ABCA8: variants seen among roughly 807,000 people sequenced by gnomAD.
ABCA8 encodes the protein ABC-type organic anion transporter ABCA8.
ABCA8 carries 177 observed loss-of-function variants against 192.3 expected under a neutral mutation model. The ratio of observed to expected loss-of-function variants is 0.92; its 90% confidence interval spans 0.81 to 1.04. The LOEUF (loss-of-function observed/expected upper bound fraction) is 1.04, where lower values mean the gene tolerates loss of function less well. ABCA8 is among the 50% of genes least tolerant of loss of function. The pLI, the probability that ABCA8 is intolerant of heterozygous loss-of-function variation, is 0.00. For missense variants in ABCA8, 1,915 were observed against 1,904.8 expected (o/e 1.01, Z -0.10); for synonymous variants, 642 against 690.2 (o/e 0.93, Z 1.09).
At chr17:68,912,859 A>G (rs940425923) in intron 17 of ABCA8, among the ~76,000 whole-genome samples, 3 of 152,182 alleles carry the variant, frequency 2.0e-5, no homozygotes, top group African/African-American at 4.8e-5. Flanking sequence ...CAGACAGAAA[A>G]TCAAAAACAT....
At position 68,867,634 on chromosome 17, in the gene ABCA8, A is replaced by G. The variant is rs1409500619; in HGVS notation, c.*451T>C. The stretch of plus-strand genomic sequence containing the variant: ...AGCAATAAGAAGCACACTTAAATCT[A>G]TTTCAAAAATATGACATGTTAAATT... On this transcript the variant is annotated 3_prime_UTR_variant, in exon 40 of 40. Transcript: ENST00000586539. The G allele has an allele frequency of 6.6e-6, 1 of 152,462 alleles. No homozygotes were observed. The highest frequency in any genetic ancestry group is 1.5e-5 in the Non-Finnish European group (1 of 68,260). The allele number at this position is 152,462 out of a possible 1,614,324, so 9.4% of individuals were successfully genotyped here.
In ABCA8 at chr17:68,891,479, T is replaced by C; in HGVS notation, c.3144+10A>G. The C allele has an allele frequency of 6.4e-7, 1 of 1,573,490 alleles. No homozygotes were observed. Among genetic ancestry groups the C allele is most frequent in the East Asian group, 2.2e-5 (1 of 44,542 alleles). On this transcript the variant is annotated intron_variant, in intron 24 of 39. Coordinates refer to ENST00000586539, the MANE Select transcript of ABCA8 (RefSeq NM_001288985.2). ...GCAAAATAATGGAAGTTGCAATTAC[T>C]CATTATTACCTTATAATCATCGATG...
chr17:68,868,354 T>G lies in ABCA8; in HGVS notation c.4714A>C (p.Lys1572Gln). ...AQAFFKLEKV[K>Q]QSFDLEEYSL... Reference sequence around the variant, plus strand: ...TACTCCTCTAGGTCAAAGCTCTGTTTAACTGCATAGGGATGAACATGTATT... The same window carrying G: ...TACTCCTCTAGGTCAAAGCTCTGTTGAACTGCATAGGGATGAACATGTATT... The change falls in exon 39 of 40, where the codon AAA (lysine) becomes CAA (glutamine). Residue 1572 changes from lysine (K) to glutamine (Q), a missense_variant and splice_region_variant. Lys to Gln is a moderately conservative substitution (Grantham distance 53). Coordinates refer to ENST00000586539, the MANE Select transcript of ABCA8 (RefSeq NM_001288985.2). 1 of 1,613,076 alleles carries G rather than the reference T, an allele frequency of 6.2e-7. No homozygotes were observed. The highest frequency in any genetic ancestry group is 8.5e-7 in the Non-Finnish European group (1 of 1,179,098).
In ABCA8 at chr17:68,903,434, C is replaced by T. The variant is rs1195992363; in HGVS notation, c.2464G>A (p.Glu822Lys). The T allele has an allele frequency of 6.2e-7, 1 of 1,614,120 alleles. No individual in the cohort carries two copies. ...TTGTTAAGTGAAGAGAGGACTTGTT[C>T]CATCTCAACAAGCCTTTCAGTGTCG... The part of the protein sequence containing the change: ...ADDTERLVEM[E>K]QVLSSLNKMR... Residue 822 changes from glutamate (E) to lysine (K), a missense_variant, in exon 20 of 40, where the codon GAA (glutamate) becomes AAA (lysine). By Grantham distance (56) the Glu-to-Lys change is moderately conservative. Coordinates refer to ENST00000586539, the MANE Select transcript of ABCA8 (RefSeq NM_001288985.2).
chr17:68,904,903 A>G (rs1334960911), intron 19 of ABCA8, among the ~76,000 whole-genome samples: 2 of 152,220 alleles, frequency 1.3e-5, no homozygotes, highest in Non-Finnish European at 2.9e-5. Context: ...AAATAAATAA[A>G]CAAAAAGTGA....
At chr17:68,894,653 A>G (rs908588895) in intron 22 of ABCA8, 1 of 539,740 alleles carries the variant, frequency 1.9e-6, no homozygotes, top group East Asian at 3.1e-5. Context: ...TCGAACTTAT[A>G]TATAGTCTTG....
At chr17:68,904,241 C>T (rs2066996346) in intron 19 of ABCA8, among the ~76,000 whole-genome samples, 1 of 150,748 alleles carries the variant, frequency 6.6e-6, no homozygotes, top group African/African-American at 2.4e-5. Context: ...GAGATCGTGC[C>T]ACTGCACTCC....
At chr17:68,873,310 C>T (rs1456103592) in intron 37 of ABCA8, among the ~76,000 whole-genome samples, 1 of 152,166 alleles carries the variant, frequency 6.6e-6, no homozygotes, top group Non-Finnish European at 1.5e-5. Context: ...ACCATATAGC[C>T]TAGGTTTGCA....
intron 20 of ABCA8, 86 bp downstream of exon 20, chr17:68,903,215 G>A (rs1463833737): frequency 3.6e-6 from 5 of 1,378,288 alleles, no homozygotes; most frequent in Non-Finnish European, 5.0e-6. Context: ...TCATATCTTT[G>A]TGTTTTTTTG....
intron 1 of ABCA8, among the ~76,000 whole-genome samples, chr17:68,954,326 T>G (rs1475159884): frequency 6.6e-6 from 1 of 151,798 alleles, no homozygotes; most frequent in Non-Finnish European, 1.5e-5. Context: ...AAGAGGATGA[T>G]CTCCTCACTA....
intron 32 of ABCA8, chr17:68,880,078 C>T (rs1334235869): frequency 2.0e-5 from 3 of 152,176 alleles, no homozygotes; most frequent in Non-Finnish European, 4.4e-5. Flanking sequence ...GAGTCTGTGA[C>T]CCAGAGTGAG....
Position 68,884,945 on chromosome 17 carries a change from G to C in ABCA8, c.3549+251C>G, listed in dbSNP as rs985603409. On this transcript the variant is annotated intron_variant, in intron 27 of 39. Transcript: ENST00000586539. ...AAGGAGGAAATAAGGCCCCACATGA[G>C]TATAAGGACTACTCTGTTTCCCACT... 6.8e-6 allele frequency: 5 copies of C among 738,026 alleles called. No individual in the cohort carries two copies. The African/African-American group carries it at 9.6e-5, about 14-fold the overall frequency. 45.7% of individuals were successfully genotyped at this position (738,026 alleles called of 1,614,324 possible).
chr17:68,919,639 C>T, intron 13 of ABCA8, 163 bp from the exon 14 acceptor site: 1 of 610,456 alleles, frequency 1.6e-6, no homozygotes, highest in South Asian at 2.6e-5. Flanking sequence ...ATGTTCTCAT[C>T]TGCAGCTTTT....
At chr17:68,908,014 A>AAAATAAGAGGACAAAAACCCAAG (rs1340230874) in intron 17 of ABCA8, 135 bp from the exon 18 acceptor site, 6 of 830,190 alleles carry the variant, frequency 7.2e-6, no homozygotes, top group South Asian at 4.1e-5. Flanking sequence ...AGACAAACAC[A>AAAATAAGAGGACAAAAACCCAAG]AAATAAGAGG....
intron 4 of ABCA8, among the ~76,000 whole-genome samples, chr17:68,938,760 C>G (rs942228099): frequency 2.0e-5 from 3 of 152,164 alleles, no homozygotes; most frequent in Non-Finnish European, 4.4e-5. Flanking sequence ...TGATTTGAAG[C>G]TGCTGCCTGA....
chr17:68,924,867 C>T lies in ABCA8; in HGVS notation c.1276G>A (p.Glu426Lys). ...AAAGGTGGACGTCGATGTCCATATT[C>T]ATCTACATGGCCAGAAGACAATTAA... ...AIYFEKILPN[E>K]YGHRRPPLFF... The change falls in exon 11 of 40, where the codon GAA (glutamate) becomes AAA (lysine). Residue 426 changes from glutamate to lysine, a missense_variant and splice_region_variant. Transcript: ENST00000586539. 6.2e-7 allele frequency: 1 copy of T among 1,613,520 alleles called. No individual in the cohort carries two copies. Among genetic ancestry groups the T allele is most frequent in the South Asian group, 1.1e-5 (1 of 90,982 alleles).
At position 68,882,003 on chromosome 17, in the gene ABCA8, A is replaced by G. The variant is rs775471763; in HGVS notation, c.3829-23T>C. ...CTTCTGTAAATGACAAGAAGTTATT[A>G]TGTCAGACCTTAATTCTCTCCATTA... is the stretch of plus-strand genomic sequence containing the variant. On this transcript the variant is annotated intron_variant, in intron 30 of 39. Coordinates refer to ENST00000586539, the MANE Select transcript of ABCA8 (RefSeq NM_001288985.2). 3.2e-6 allele frequency: 5 copies of G among 1,583,334 alleles called. No individual in the cohort carries two copies. In the African/African-American group the frequency reaches 5.4e-5, roughly 17 times the overall value.
intron 11 of ABCA8, among the ~76,000 whole-genome samples, chr17:68,923,216 T>TG (rs2067595340): frequency 1.3e-5 from 2 of 151,528 alleles, no homozygotes; most frequent in African/African-American, 2.4e-5. Flanking sequence ...ATTTTTTTTT[T>TG]TGAGAGAGAG....
In ABCA8 at chr17:68,906,721, T is replaced by TG. The variant is rs1361663758; in HGVS notation, c.2279-559dup. Among the ~76,000 whole-genome samples, 9 of 152,288 alleles carry TG rather than the reference T, an allele frequency of 5.9e-5. No individual in the cohort carries two copies. In the East Asian group the frequency reaches 1.5e-3, roughly 26 times the overall value. On this transcript the variant is annotated intron_variant, in intron 18 of 39. Coordinates refer to ENST00000586539, the MANE Select transcript of ABCA8 (RefSeq NM_001288985.2). Reference sequence around the variant, plus strand: ...CACAAGACCTAACAGGCAGAGAATGTGGAACTGAATCAGGGAATTTTCCTG... The same window carrying TG: ...CACAAGACCTAACAGGCAGAGAATGTGGGAACTGAATCAGGGAATTTTCCTG...
Sources: allele counts gnomAD v4.1 joint callset (sites outside exome capture counted in the v4.1 genomes callset), GRCh38; gene constraint gnomAD v4.1.1; transcripts MANE v1.5; gene names NCBI Gene and HGNC (gene_info 2026-07-23, HGNC 2026-07-21).